The following CSF2RB variants were observed in gnomAD, a reference collection of about 807,000 sequenced individuals.
The protein encoded by CSF2RB is cytokine receptor common subunit beta.
CSF2RB carries 22 observed loss-of-function variants against 67.2 expected under a neutral mutation model. The ratio of observed to expected loss-of-function variants is 0.33; its 90% CI spans 0.23 to 0.47. The LOEUF is 0.47. Among genes scored for constraint, CSF2RB ranks in the 20% least tolerant of loss-of-function variants. The probability of loss-of-function intolerance (pLI) is 1.00; values close to 1 mark genes in which losing one functional copy is unlikely to be tolerated. For missense variants in CSF2RB, 1,113 were observed against 1,174.5 expected, an observed-to-expected ratio of 0.95 and a Z score of 0.76; for synonymous variants, 507 against 482.9, an observed-to-expected ratio of 1.05 and a Z score of -0.65.
chr22:36,923,818 G>A, intron 3 of CSF2RB: 1 of 1,285,556 alleles, frequency 7.8e-7, no homozygotes, highest in South Asian at 1.2e-5. Context: ...GGCCCTGGAG[G>A]TGAGGTGCCA....
In CSF2RB at chr22:36,935,371, G is replaced by A. The variant is rs769620517; in HGVS notation, c.1336G>A (p.Ala446Thr). Residue 446 changes from alanine to threonine, a missense_variant, in exon 11 of 14, where the codon GCC becomes ACC. Ala to Thr is a moderately conservative substitution (Grantham distance 58, BLOSUM62 0). Coordinates refer to ENST00000403662, the MANE Select transcript of CSF2RB (RefSeq NM_000395.3). Reference protein sequence around the residue: ...TESVLPMWVLALIVIFLTIAV... With the variant: ...TESVLPMWVLTLIVIFLTIAV... ...GGAAGTGCTGCCTATGTGGGTGCTG[G>A]CCCTCATCGTGATCTTCCTCACCAT... 6.2e-7 allele frequency: 1 copy of A among 1,614,164 alleles called. No homozygotes were observed. The highest frequency in any genetic ancestry group is 2.2e-5 in the East Asian group (1 of 44,884).
At chr22:36,931,019 C>G (rs1941138447) in intron 8 of CSF2RB, among the ~76,000 whole-genome samples, 189 bp downstream of exon 8, 1 of 152,198 alleles carries the variant, frequency 6.6e-6, no homozygotes, top group Non-Finnish European at 1.5e-5. Flanking sequence ...AAAACAGGAG[C>G]AGATCTTTAA....
At chr22:36,916,816 G>A (rs1024008230) in intron 1 of CSF2RB, among the ~76,000 whole-genome samples, 26 of 152,156 alleles carry the variant, frequency 1.7e-4, no homozygotes, top group African/African-American at 5.8e-4. Flanking sequence ...CCGAGATCAC[G>A]CCACTGCACT....
chr22:36,917,616 A>G (rs531517590), intron 1 of CSF2RB, among the ~76,000 whole-genome samples: 9 of 152,162 alleles, frequency 5.9e-5, no homozygotes, highest in Non-Finnish European at 1.2e-4. Context: ...TTAGGGATTT[A>G]AAATGTATTG....
chr22:36,922,592 G>C, intron 2 of CSF2RB: 1 of 530,044 alleles, frequency 1.9e-6, no homozygotes, highest in Middle Eastern at 5.2e-4. Context: ...TTCCCCAGCA[G>C]ACACTCTCTG....
Position 36,939,446 on chromosome 22 carries a change from TCTCCCTCCCACC to T in CSF2RB, c.*945_*956del. 1 of 560,002 alleles carries T rather than the reference TCTCCCTCCCACC, an allele frequency of 1.8e-6. No individual in the cohort carries two copies. The highest frequency in any genetic ancestry group is 3.2e-6 in the Non-Finnish European group (1 of 311,164). The allele number at this position is 560,002 out of a possible 1,614,324, so 34.7% of individuals were successfully genotyped here. A position where few individuals can be genotyped will look rare whatever the true frequency, so the allele number is the denominator to read the frequency against. On this transcript the variant is annotated 3_prime_UTR_variant, in exon 14 of 14. Coordinates refer to ENST00000403662, the MANE Select transcript of CSF2RB (RefSeq NM_000395.3). ...CACTCTTCCAGATAGACCAGGCAAC[TCTCCCTCCCACC>T]GGCCACAGATGAGGGGCTGCTGATC...
At chr22:36,936,500 A>C in intron 12 of CSF2RB, 49 bp from the exon 13 acceptor site, 1 of 1,557,996 alleles carries the variant, frequency 6.4e-7, no homozygotes, top group Non-Finnish European at 8.8e-7. Context: ...CCTTGCCCCC[A>C]CCTCGGACCT....
Position 36,930,420 on chromosome 22 carries a change from C to T in CSF2RB, c.764C>T (p.Ala255Val). 1 of 1,613,660 alleles carries T rather than the reference C, an allele frequency of 6.2e-7. No homozygotes were observed. Among genetic ancestry groups the T allele is most frequent in the Non-Finnish European group, 8.5e-7 (1 of 1,180,018 alleles). ...PQNLECFFDG[A>V]AVLSCSWEVR... ...AACCTGGAGTGCTTCTTTGACGGGG[C>T]CGCCGTGCTCAGCTGCTCCTGGGAG... The change falls in exon 7 of 14, where the codon GCC (alanine) becomes GTC (valine). Residue 255 changes from alanine (A) to valine (V), a missense_variant. Ala to Val is a moderately conservative substitution (Grantham distance 64, BLOSUM62 0). Transcript: ENST00000403662.
chr22:36,925,693 C>T lies in CSF2RB; in HGVS notation c.201-294C>T, dbSNP rs114766450. 0.019 allele frequency among the ~76,000 whole-genome samples: 2,819 copies of T among 152,280 alleles called. 94 individuals carry two copies. The highest frequency in any genetic ancestry group is 0.065 in the African/African-American group (2,707 of 41,536). On this transcript the variant is annotated intron_variant, in intron 3 of 13. Transcript: ENST00000403662. ...CCCCCAGGTCACCTCCTTAGAGAAG[C>T]CTGCTTGTCCCATATTTCAAATTGC...
At chr22:36,934,992 C>T (rs1433913037) in intron 10 of CSF2RB, among the ~76,000 whole-genome samples, 2 of 152,178 alleles carry the variant, frequency 1.3e-5, no homozygotes, top group Non-Finnish European at 2.9e-5. Flanking sequence ...ATCTCCACCT[C>T]TAATCCTTCC....
chr22:36,933,872 C>A lies in CSF2RB; in HGVS notation c.1193C>A (p.Ala398Asp), dbSNP rs1353927249. ...TETLQNAHSMALPALEPSTRY... is the reference protein window; with the variant it reads ...TETLQNAHSMDLPALEPSTRY... ...ACCCTCCAGAACGCCCACAGCATGGCCCTGCCAGCCCTGGAGCCCTCCACC... is the reference window on the plus strand; with the variant it reads ...ACCCTCCAGAACGCCCACAGCATGGACCTGCCAGCCCTGGAGCCCTCCACC... Residue 398 changes from alanine (A) to aspartate (D), a missense_variant, in exon 10 of 14, where the codon GCC (alanine) becomes GAC (aspartate). By Grantham distance (126) the Ala-to-Asp change is moderately radical. This residue lies in a region of CSF2RB where 559 missense variants were observed against 656.5 expected (regional missense o/e 0.85). Transcript: ENST00000403662. The A allele has an allele frequency of 6.2e-7, 1 of 1,610,594 alleles. No homozygotes were observed. Among genetic ancestry groups the A allele is most frequent in the South Asian group, 1.1e-5 (1 of 90,992 alleles).
chr22:36,920,574 G>A (rs1431598600), intron 1 of CSF2RB, among the ~76,000 whole-genome samples: 1 of 152,210 alleles, frequency 6.6e-6, no homozygotes, highest in African/African-American at 2.4e-5. Flanking sequence ...TGTTGTTACA[G>A]TAGCCTAACG....
chr22:36,938,637 C>T lies in CSF2RB; in HGVS notation c.*135C>T, dbSNP rs1479186289. 7 of 919,034 alleles carry T rather than the reference C, an allele frequency of 7.6e-6. No homozygotes were observed. Among genetic ancestry groups the T allele is most frequent in the African/African-American group, 1.7e-5 (1 of 59,710 alleles). 56.9% of individuals were successfully genotyped at this position (919,034 alleles called of 1,614,324 possible). A position where few individuals can be genotyped will look rare whatever the true frequency, so the allele number is the denominator to read the frequency against. On this transcript the variant is annotated 3_prime_UTR_variant, in exon 14 of 14. Coordinates refer to ENST00000403662, the MANE Select transcript of CSF2RB (RefSeq NM_000395.3). ...CTAGAGGCCTGGGAAAGGAGATAGC[C>T]TTGCTCCGGCCCCCTTGACCTTCAG... is the stretch of plus-strand genomic sequence containing the variant.
intron 9 of CSF2RB, 101 bp downstream of exon 9, chr22:36,933,005 G>A (rs2145813983): frequency 2.1e-6 from 3 of 1,457,364 alleles, no homozygotes; most frequent in East Asian, 2.3e-5. Context: ...CCCTTGGCAG[G>A]TGACCAGTGA....
chr22:36,925,069 G>A lies in CSF2RB; in HGVS notation c.201-918G>A, dbSNP rs369240665. ...TCCAAACGTCCTCAACCAAAGTCCC[G>A]CTCTCACCCGAGCTGCGCTGCTGCC... On this transcript the variant is annotated intron_variant, in intron 3 of 13. Coordinates refer to ENST00000403662, the MANE Select transcript of CSF2RB (RefSeq NM_000395.3). Among the ~76,000 whole-genome samples, 7 of 152,290 alleles carry A rather than the reference G, an allele frequency of 4.6e-5. No individual in the cohort carries two copies. In the South Asian group the frequency reaches 1.0e-3, roughly 23 times the overall value.
At chr22:36,936,455 C>G in intron 12 of CSF2RB, 94 bp from the exon 13 acceptor site, 1 of 921,932 alleles carries the variant, frequency 1.1e-6, no homozygotes, top group South Asian at 1.4e-5. Flanking sequence ...TGTCTGGGGG[C>G]TCCTTGAATC....
chr22:36,930,458 G>A lies in CSF2RB; in HGVS notation c.802G>A (p.Val268Met). The change falls in exon 7 of 14, where the codon GTG becomes ATG. Residue 268 changes from valine (V) to methionine (M), a missense_variant. By Grantham distance (21) the Val-to-Met change is conservative (BLOSUM62 1). Coordinates refer to ENST00000403662, the MANE Select transcript of CSF2RB (RefSeq NM_000395.3). ...CTGCTCCTGGGAGGTGAGGAAGGAG[G>A]TGGCCAGCTCGGTCTCCTTTGGCCT... ...LSCSWEVRKE[V>M]ASSVSFGLFY... is the part of the protein sequence containing the mutation. 6.2e-7 allele frequency: 1 copy of A among 1,613,784 alleles called. No individual in the cohort carries two copies. Among genetic ancestry groups the A allele is most frequent in the Non-Finnish European group, 8.5e-7 (1 of 1,180,026 alleles).
intron 8 of CSF2RB, among the ~76,000 whole-genome samples, chr22:36,931,979 C>T (rs926272040): frequency 2.6e-5 from 4 of 152,196 alleles, no homozygotes; most frequent in East Asian, 3.8e-4. Flanking sequence ...CAATCTTTGC[C>T]TCTACCACTG....
chr22:36,922,344 A>T (rs1334888314), intron 2 of CSF2RB, 61 bp downstream of exon 2: 2 of 1,468,682 alleles, frequency 1.4e-6, no homozygotes, highest in Non-Finnish European at 1.9e-6. Context: ...ACCCTGGGGG[A>T]GGGCCGCAGC....
Sources: allele counts gnomAD v4.1 joint callset (sites outside exome capture counted in the v4.1 genomes callset), GRCh38; gene constraint gnomAD v4.1.1; regional missense constraint gnomAD v4.1.1; transcripts MANE v1.5; gene names NCBI Gene and HGNC (gene_info 2026-07-23, HGNC 2026-07-21).